Variants in ZZEF1 observed in about 807,000 individuals in gnomAD.
ZZEF1 encodes the protein zinc finger ZZ-type and EF-hand domain containing 1.
A neutral mutation model predicts 342.8 loss-of-function variants in ZZEF1; 157 were observed. That is an observed-to-expected ratio of 0.46 (90% CI 0.40 to 0.52). ZZEF1 has a LOEUF of 0.52. Ranked by LOEUF, ZZEF1 falls within the 20% of genes least tolerant of loss-of-function variation. The pLI is 0.00. For missense variants in ZZEF1, 3,480 were observed against 3,725.6 expected (o/e 0.93, Z 1.72); for synonymous variants, 1,505 against 1,429.1 (o/e 1.05, Z -1.20).
At chr17:4,074,126 G>C (rs757176561) in intron 24 of ZZEF1, 24 bp downstream of exon 24, 6 of 1,610,192 alleles carry the variant, frequency 3.7e-6, no homozygotes, top group Non-Finnish European at 5.1e-6. Context: ...TGTAAGAAGG[G>C]AAAGCACAGG....
chr17:4,086,491 C>T lies in ZZEF1; in HGVS notation c.2507G>A (p.Cys836Tyr), dbSNP rs764678124. 1.9e-6 allele frequency: 3 copies of T among 1,614,148 alleles called. No individual in the cohort carries two copies. The highest frequency in any genetic ancestry group is 2.2e-5 in the South Asian group (2 of 91,086). ...GAGAAAACCCAAATCCCTACCATCA[C>T]ACAAGTGTGTGTACAGCTCCTTGGC... ...EAAKELYTHL[C>Y]DVVDKVDGDS... The change falls in exon 15 of 55, where the codon TGT (cysteine) becomes TAT (tyrosine). Residue 836 changes from cysteine (C) to tyrosine (Y), a missense_variant. Cys to Tyr is a radical substitution (Grantham distance 194, BLOSUM62 -2). This residue lies in a region of ZZEF1 where 1,528 missense variants were observed against 1,624.1 expected (regional missense o/e 0.94). Transcript: ENST00000381638.
At chr17:4,117,304 T>C in intron 2 of ZZEF1, 138 bp from the exon 3 acceptor site, 1 of 688,068 alleles carries the variant, frequency 1.5e-6, no homozygotes, top group Non-Finnish European at 2.4e-6. Flanking sequence ...GTTTTAATTG[T>C]TAAAAAATCT....
At position 4,064,573 on chromosome 17, in the gene ZZEF1, G is replaced by A; in HGVS notation, c.4506C>T (p.Gly1502=). Residue 1502 remains glycine, a synonymous_variant, in exon 29 of 55, where the codon GGC becomes GGT. Coordinates refer to ENST00000381638, the MANE Select transcript of ZZEF1 (RefSeq NM_015113.4). ...GTQPKLPSSS[G]LPAADVSPAT... is the part of the protein sequence containing the mutation. Reference sequence around the variant, plus strand: ...CAGGGGACACGTCTGCAGCAGGAAGGCCACTGCTGGATGGCAGCTTTGGCT... The same window carrying A: ...CAGGGGACACGTCTGCAGCAGGAAGACCACTGCTGGATGGCAGCTTTGGCT... 6.2e-7 allele frequency: 1 copy of A among 1,614,192 alleles called. No homozygotes were observed. Among genetic ancestry groups the A allele is most frequent in the Non-Finnish European group, 8.5e-7 (1 of 1,180,036 alleles).
chr17:4,094,716 T>C (rs768021451), intron 11 of ZZEF1, among the ~76,000 whole-genome samples: 6 of 152,170 alleles, frequency 3.9e-5, no homozygotes, highest in African/African-American at 1.2e-4. Context: ...TCACTGCCGA[T>C]GAGGCTTTTT....
chr17:4,016,699 T>C lies in ZZEF1; in HGVS notation c.8002-233A>G. ...TCAGAATGATGCTACTTAGAGGTGG[T>C]CTGAAAGAACTAACTGAACCAATCA... On this transcript the variant is annotated intron_variant, in intron 48 of 54. Coordinates refer to ENST00000381638, the MANE Select transcript of ZZEF1 (RefSeq NM_015113.4). The surrounding 1 kb of genome is among the most constrained non-coding windows in gnomAD (Gnocchi z 4.4). 2.1e-6 allele frequency: 1 copy of C among 472,318 alleles called. No homozygotes were observed. The highest frequency in any genetic ancestry group is 3.7e-6 in the Non-Finnish European group (1 of 268,346). The allele number at this position is 472,318 out of a possible 1,614,324, so 29.3% of individuals were successfully genotyped here.
chr17:4,056,476 T>C, intron 32 of ZZEF1, 131 bp from the exon 33 acceptor site: 2 of 947,272 alleles, frequency 2.1e-6, no homozygotes, highest in Non-Finnish European at 2.8e-6. Flanking sequence ...AAAGGTCAAC[T>C]GCTTTTCAAA....
chr17:4,081,853 C>A (rs2057730142), intron 17 of ZZEF1, among the ~76,000 whole-genome samples: 1 of 152,254 alleles, frequency 6.6e-6, no homozygotes, highest in South Asian at 2.1e-4. Context: ...CGGCCCCAGG[C>A]CCTTTCAGCA....
At chr17:4,051,081 CA>C (rs1278823552) in intron 35 of ZZEF1, 38 bp from the exon 36 acceptor site, 1 of 1,613,750 alleles carries the variant, frequency 6.2e-7, no homozygotes. Context: ...TACAACCCTC[CA>C]AAAGCTTTTG....
intron 45 of ZZEF1, among the ~76,000 whole-genome samples, chr17:4,020,808 A>G (rs891298363): frequency 1.6e-4 from 25 of 152,238 alleles, no homozygotes; most frequent in Non-Finnish European, 5.9e-5. Context: ...TATCGTATAG[A>G]GTTCATGGAC....
intron 24 of ZZEF1, 39 bp from the exon 25 acceptor site, chr17:4,072,795 C>A: frequency 1.3e-6 from 2 of 1,536,274 alleles, no homozygotes; most frequent in Admixed American, 2.0e-5. Context: ...TCTATTTTTG[C>A]CTTAATATAT....
chr17:4,009,033 C>T (rs2055875115), intron 53 of ZZEF1, 79 bp from the exon 54 acceptor site: 2 of 1,488,364 alleles, frequency 1.3e-6, no homozygotes, highest in Non-Finnish European at 1.8e-6. Context: ...GGGACACCTG[C>T]TTGCGAAAGC....
In ZZEF1 at chr17:4,109,778, A is replaced by G; in HGVS notation, c.1152T>C (p.Val384=). 2 of 1,614,214 alleles carry G rather than the reference A, an allele frequency of 1.2e-6. No homozygotes were observed. Among genetic ancestry groups the G allele is most frequent in the East Asian group, 4.5e-5 (2 of 44,886 alleles). The change falls in exon 6 of 55, where the codon GTT becomes GTC. Residue 384 remains valine, a synonymous_variant. Transcript: ENST00000381638. ...CTGAGACTGAGACCCCAGACTTCTT[A>G]ACTCTCTGAAAGCCAACAGCCCTGA... ...HGLRAVGFQR[V]KKSGVSVSDA...
chr17:4,082,115 C>T (rs1217769242), intron 17 of ZZEF1, among the ~76,000 whole-genome samples: 1 of 152,186 alleles, frequency 6.6e-6, no homozygotes, highest in African/African-American at 2.4e-5. Flanking sequence ...GCTTCTGTAG[C>T]TGGTTTTAAC....
chr17:4,060,886 T>C (rs867120598), intron 30 of ZZEF1, among the ~76,000 whole-genome samples: 4 of 152,252 alleles, frequency 2.6e-5, no homozygotes, highest in African/African-American at 4.8e-5. Flanking sequence ...TCTCAACTTA[T>C]ACAACTGCTA....
At chr17:4,112,915 G>T in intron 4 of ZZEF1, 107 bp from the exon 5 acceptor site, 3 of 1,010,044 alleles carry the variant, frequency 3.0e-6, no homozygotes, top group African/African-American at 1.6e-5. Context: ...TCCAAAGACT[G>T]GTTTTCCTAA....
chr17:4,141,366 C>T (rs765453921), intron 1 of ZZEF1, among the ~76,000 whole-genome samples: 15 of 152,228 alleles, frequency 9.9e-5, no homozygotes, highest in Non-Finnish European at 1.8e-4. Flanking sequence ...TTTAAAGGCA[C>T]TGCAAGTACC....
In ZZEF1 at chr17:4,067,214, A is replaced by G; in HGVS notation, c.4104T>C (p.Ser1368=). 1 of 1,613,294 alleles carries G rather than the reference A, an allele frequency of 6.2e-7. No homozygotes were observed. The highest frequency in any genetic ancestry group is 8.5e-7 in the Non-Finnish European group (1 of 1,179,712). Residue 1368 remains serine, a synonymous_variant, in exon 27 of 55, where the codon AGT becomes AGC. Transcript: ENST00000381638. ...YVNSGGKIAL[S]EEFAQVYSLA... ...AGGAATAAACCTGGGCAAACTCTTC[A>G]CTCAGGGCTATTTTGCCCCCACTGT...
intron 1 of ZZEF1, among the ~76,000 whole-genome samples, chr17:4,132,736 G>A (rs1296590083): frequency 2.0e-5 from 2 of 101,730 alleles, no homozygotes; most frequent in Non-Finnish European, 5.0e-5. Context: ...GGAGGCCGAG[G>A]CGGGTGGATC....
At chr17:4,054,248 A>G in intron 33 of ZZEF1, 53 bp from the exon 34 acceptor site, 6 of 1,571,720 alleles carry the variant, frequency 3.8e-6, no homozygotes, top group Non-Finnish European at 5.2e-6. Flanking sequence ...GGTGGCCACA[A>G]TTCACTAATC....
Sources: gnomAD v4.1 joint callset for allele counts (sites outside exome capture counted in the v4.1 genomes callset) on GRCh38, gnomAD v4.1.1 for gene constraint, gnomAD v4.1.1 regional missense constraint, Gnocchi (gnomAD v3.1) non-coding constraint, MANE v1.5 for transcripts, NCBI Gene and HGNC (gene_info 2026-07-23, HGNC 2026-07-21) for gene names.